The following EPN2 variants were observed in gnomAD, a reference collection of about 807,000 sequenced individuals.
The protein encoded by EPN2 is epsin-2.
In EPN2, 34 loss-of-function variants were observed where a neutral mutation model predicts 61.7. The ratio of observed to expected loss-of-function variants is 0.55; its 90% CI spans 0.42 to 0.73. The LOEUF is 0.73. Ranked by LOEUF, EPN2 falls within the 30% of genes least tolerant of loss-of-function variation. The pLI, the probability that EPN2 is intolerant of heterozygous loss-of-function variation, is 0.00. For synonymous variants in EPN2, 349 were observed against 353.6 expected (o/e 0.99, Z 0.15); for missense variants, 714 against 839.2 (o/e 0.85, Z 1.84).
At chr17:19,284,447 A>G (rs2045385652) in intron 3 of EPN2, among the ~76,000 whole-genome samples, 1 of 152,170 alleles carries the variant, frequency 6.6e-6, no homozygotes, top group Non-Finnish European at 1.5e-5. Flanking sequence ...GTCCCCCAAC[A>G]GGTGTTTCTC....
chr17:19,329,485 GGGTGTGCACTGGGCAGT>G, intron 8 of EPN2, 59 bp from the exon 9 acceptor site: 14 of 838,220 alleles, frequency 1.7e-5, no homozygotes, highest in Non-Finnish European at 2.8e-5. Context: ...CCCATCCTGA[GGGTGTGCACTGGGCAGT>G]GGAGTTGCCA....
At chr17:19,304,155 A>G (rs1035052608) in intron 4 of EPN2, among the ~76,000 whole-genome samples, 2 of 152,150 alleles carry the variant, frequency 1.3e-5, no homozygotes, top group Non-Finnish European at 2.9e-5. Context: ...CTTTTTTATA[A>G]TTTGCCTCGT....
intron 1 of EPN2, among the ~76,000 whole-genome samples, chr17:19,280,814 C>G (rs981041802): frequency 6.6e-6 from 1 of 152,138 alleles, no homozygotes; most frequent in Non-Finnish European, 1.5e-5. Flanking sequence ...AGCTTCAGAT[C>G]CCATATGTTG....
In EPN2 at chr17:19,329,835, C is replaced by T. The variant is rs554224491; in HGVS notation, c.1411+188C>T. Among the ~76,000 whole-genome samples, 286 of 152,314 alleles carry T rather than the reference C, an allele frequency of 1.9e-3. 1 individual carries two copies. The highest frequency in any genetic ancestry group is 3.3e-3 in the Non-Finnish European group (224 of 68,034). ...ATAGTTAAAAATCACAAGGTAGAGT[C>T]CCCCAGGACTATGTCTCCAGGTTAG... On this transcript the variant is annotated intron_variant, in intron 9 of 10. Coordinates refer to ENST00000314728, the MANE Select transcript of EPN2 (RefSeq NM_014964.5).
chr17:19,307,806 G>C (rs999833160), intron 4 of EPN2: 9 of 662,922 alleles, frequency 1.4e-5, no homozygotes, highest in Non-Finnish European at 1.7e-5. Context: ...TACCTCCCCT[G>C]GTTCTTCTGT....
At chr17:19,321,149 C>T (rs1657934515) in intron 7 of EPN2, among the ~76,000 whole-genome samples, 1 of 152,138 alleles carries the variant, frequency 6.6e-6, no homozygotes, top group South Asian at 2.1e-4. Flanking sequence ...GGGGCTGGGC[C>T]TTCCCAGCAA....
At chr17:19,262,440 T>G (rs1430254952) in intron 1 of EPN2, among the ~76,000 whole-genome samples, 2 of 152,212 alleles carry the variant, frequency 1.3e-5, no homozygotes, top group Admixed American at 1.3e-4. Context: ...ATCACACCAC[T>G]GCACTCCAGC....
chr17:19,243,973 G>C (rs1301683262), intron 1 of EPN2, among the ~76,000 whole-genome samples: 1 of 152,158 alleles, frequency 6.6e-6, no homozygotes, highest in East Asian at 1.9e-4. Context: ...TGTGCAGTAG[G>C]AACTCAAAAA....
intron 1 of EPN2, among the ~76,000 whole-genome samples, chr17:19,263,516 T>G (rs1042664346): frequency 1.3e-5 from 2 of 152,186 alleles, no homozygotes; most frequent in African/African-American, 4.8e-5. Context: ...GGCAACCACA[T>G]AGAAGTAATA....
rs200785775 is a variant in EPN2 at position 19,326,390 on chromosome 17, TAAG to T, written c.1148-2317_1148-2315del. The stretch of plus-strand genomic sequence containing the variant: ...TCATAACACTGTTTGTGAGGATAAT[TAAG>T]AAGGTGCAAGTGGCCAGGCGTGGTG... On this transcript the variant is annotated intron_variant, in intron 7 of 10. Coordinates refer to ENST00000314728, the MANE Select transcript of EPN2 (RefSeq NM_014964.5). Among the ~76,000 whole-genome samples the T allele has an allele frequency of 9.1e-3, 1,385 of 152,220 alleles. 15 individuals carry two copies. The highest frequency in any genetic ancestry group is 0.032 in the African/African-American group (1,321 of 41,536).
In EPN2 at chr17:19,332,022, C is replaced by T; in HGVS notation, c.1581C>T (p.Thr527=). The change falls in exon 10 of 11, where the codon ACC becomes ACT. Residue 527 remains threonine, a synonymous_variant. Coordinates refer to ENST00000314728, the MANE Select transcript of EPN2 (RefSeq NM_014964.5). ...TGGTGAACCTGGACTCACTGGTGAC[C>T]AGGCCTGCCCCACCAGCCCAGTCCC... ...AALVNLDSLV[T]RPAPPAQSLN... The T allele has an allele frequency of 3.7e-6, 6 of 1,613,406 alleles. No homozygotes were observed. The highest frequency in any genetic ancestry group is 5.1e-6 in the Non-Finnish European group (6 of 1,179,998).
intron 1 of EPN2, among the ~76,000 whole-genome samples, chr17:19,244,672 A>G (rs1436726069): frequency 1.3e-5 from 2 of 152,070 alleles, no homozygotes; most frequent in Non-Finnish European, 2.9e-5. Context: ...ATCAAAACCG[A>G]ATGTGCAGGG....
intron 4 of EPN2, among the ~76,000 whole-genome samples, chr17:19,301,463 G>T (rs923386549): frequency 1.3e-5 from 2 of 152,148 alleles, no homozygotes; most frequent in Admixed American, 1.3e-4. Flanking sequence ...CAGGAACCAG[G>T]TGTCATACAT....
chr17:19,291,732 G>A (rs893361594), intron 4 of EPN2, among the ~76,000 whole-genome samples: 16 of 152,160 alleles, frequency 1.1e-4, no homozygotes, highest in Non-Finnish European at 2.2e-4. Flanking sequence ...GAGCCATCGC[G>A]CCCGGCCTCA....
intron 4 of EPN2, among the ~76,000 whole-genome samples, chr17:19,302,702 T>C (rs1254951217): frequency 6.6e-6 from 1 of 152,232 alleles, no homozygotes; most frequent in Non-Finnish European, 1.5e-5. Context: ...ATAAATGTAA[T>C]GTGCTTGAAT....
At chr17:19,312,990 C>G in intron 6 of EPN2, 115 bp from the exon 7 acceptor site, 4 of 1,125,112 alleles carry the variant, frequency 3.6e-6, no homozygotes, top group African/African-American at 3.2e-5. Context: ...TCAGCCCCTC[C>G]TAGAGGGCTT....
chr17:19,320,153 T>C (rs573483987), intron 7 of EPN2, among the ~76,000 whole-genome samples: 13 of 152,348 alleles, frequency 8.5e-5, no homozygotes, highest in Non-Finnish European at 8.8e-5. Context: ...CAAACTCTTA[T>C]GTATTTTTGA....
intron 7 of EPN2, among the ~76,000 whole-genome samples, chr17:19,318,856 A>C (rs1018778742): frequency 6.6e-6 from 1 of 152,028 alleles, no homozygotes; most frequent in East Asian, 1.9e-4. Flanking sequence ...GAACCCGTGC[A>C]GTGGAGATAC....
chr17:19,300,526 T>C (rs1336799147), intron 4 of EPN2, among the ~76,000 whole-genome samples: 3 of 144,514 alleles, frequency 2.1e-5, no homozygotes, highest in Non-Finnish European at 4.5e-5. Context: ...CCTCCTGGGT[T>C]CAGGCGATTC....
Sources: allele counts gnomAD v4.1 joint callset (sites outside exome capture counted in the v4.1 genomes callset), GRCh38; gene constraint gnomAD v4.1.1; transcripts MANE v1.5; gene names NCBI Gene and HGNC (gene_info 2026-07-23, HGNC 2026-07-21).